Variants in CRTC1 observed in about 807,000 individuals in gnomAD.
CRTC1 encodes CREB regulated transcription coactivator 1.
CRTC1 carries 18 observed loss-of-function variants against 66.1 expected under a neutral mutation model. That is an observed-to-expected ratio of 0.27 (90% CI 0.19 to 0.40). The LOEUF is 0.40. CRTC1 is among the 10% of genes least tolerant of loss of function. The pLI is 1.00. For missense variants in CRTC1, 669 were observed against 887.9 expected (o/e 0.75, Z 3.13); for synonymous variants, 416 against 398.8 (o/e 1.04, Z -0.51).
chr19:18,777,251 G>A lies in CRTC1; in HGVS notation c.1774G>A (p.Asp592Asn), dbSNP rs767791886. Residue 592 changes from aspartate to asparagine, a missense_variant, in exon 14 of 14, where the codon GAC becomes AAC. Physicochemically the swap from Asp to Asn is conservative, Grantham distance 23 (BLOSUM62 1). Transcript: ENST00000321949. This position sits in a 1 kb window ranked among gnomAD's most constrained non-coding sequence, Gnocchi z 5.5. The stretch of plus-strand genomic sequence containing the variant: ...GGTCGGCGACGTCAGCTTCGACTCC[G>A]ACAGCCAGTTTCCCCTGGACGAACT... ...AGVGDVSFDS[D>N]SQFPLDELKI... 8 of 1,610,560 alleles carry A rather than the reference G, an allele frequency of 5.0e-6. No homozygotes were observed. The highest frequency in any genetic ancestry group is 4.0e-5 in the African/African-American group (3 of 74,160).
intron 1 of CRTC1, among the ~76,000 whole-genome samples, chr19:18,723,867 G>A (rs1395466005): frequency 1.3e-5 from 2 of 152,234 alleles, no homozygotes; most frequent in Non-Finnish European, 2.9e-5. Context: ...AGCCTCGTCA[G>A]TGTGGGGCAC....
At chr19:18,731,106 T>C (rs1412704361) in intron 1 of CRTC1, among the ~76,000 whole-genome samples, 1 of 152,194 alleles carries the variant, frequency 6.6e-6, no homozygotes, top group Non-Finnish European at 1.5e-5. Flanking sequence ...CCTCCCGTGT[T>C]GCTGGGACTA....
intron 1 of CRTC1, among the ~76,000 whole-genome samples, chr19:18,716,494 C>T (rs1256294176): frequency 6.6e-6 from 1 of 152,136 alleles, no homozygotes; most frequent in South Asian, 2.1e-4. Context: ...TCATGATCCA[C>T]CCACCTTGGC....
intron 1 of CRTC1, among the ~76,000 whole-genome samples, chr19:18,691,563 GA>G (rs1324645013): frequency 6.7e-6 from 1 of 148,942 alleles, no homozygotes; most frequent in Non-Finnish European, 1.5e-5. Context: ...AGGACACAGA[GA>G]CACAGGGGAG....
intron 1 of CRTC1, among the ~76,000 whole-genome samples, chr19:18,700,752 C>A (rs1213332166): frequency 1.3e-5 from 2 of 152,144 alleles, no homozygotes; most frequent in Admixed American, 6.5e-5. Context: ...GCTGGGGACA[C>A]GGGGAGGCCG....
In CRTC1 at chr19:18,741,650, T is replaced by TG. The variant is rs2054113534; in HGVS notation, c.127-1258dup. On this transcript the variant is annotated intron_variant, in intron 1 of 13. Coordinates refer to ENST00000321949, the MANE Select transcript of CRTC1 (RefSeq NM_015321.3). The surrounding 1 kb of genome is among the most constrained non-coding windows in gnomAD (Gnocchi z 4.2). ...GGTGTGACTGCTGGGAGGGACACTG[T>TG]GGATGTTCATTGTGTATGTGTCTGG... Among the ~76,000 whole-genome samples the TG allele has an allele frequency of 1.3e-5, 2 of 152,066 alleles. No individual in the cohort carries two copies. Among genetic ancestry groups the TG allele is most frequent in the South Asian group, 4.2e-4 (2 of 4,818 alleles).
chr19:18,744,481 CACACACACAA>C (rs1394126048), intron 2 of CRTC1, among the ~76,000 whole-genome samples: 1 of 144,950 alleles, frequency 6.9e-6, no homozygotes, highest in African/African-American at 2.6e-5. Flanking sequence ...CCTATATACA[CACACACACAA>C]ACACACACAC....
chr19:18,710,937 G>A (rs2053377183), intron 1 of CRTC1, among the ~76,000 whole-genome samples: 1 of 152,150 alleles, frequency 6.6e-6, no homozygotes, highest in Non-Finnish European at 1.5e-5. Flanking sequence ...TGTTTAGGAA[G>A]CCCATGCCCA....
chr19:18,753,418 G>C (rs947373809), intron 5 of CRTC1, 82 bp from the exon 6 acceptor site: 14 of 987,358 alleles, frequency 1.4e-5, no homozygotes, highest in Middle Eastern at 4.2e-4. Flanking sequence ...CCGTGTGTCA[G>C]GGACGTGTCC....
rs58104974 is a variant in CRTC1 at position 18,706,182 on chromosome 19, C to CTTTTTTTTTTTTTTT, written c.126+22381_126+22395dup. Reference sequence around the variant, plus strand: ...GGGCTTTCTATTCTATTCCATTGGTCTTTTTTTTTTTTTTTTTTTTTTTTT... The same window carrying CTTTTTTTTTTTTTTT: ...GGGCTTTCTATTCTATTCCATTGGTCTTTTTTTTTTTTTTTTTTTTTTTTTTTTTTTTTTTTTTTT... On this transcript the variant is annotated intron_variant, in intron 1 of 13. Transcript: ENST00000321949. Among the ~76,000 whole-genome samples the CTTTTTTTTTTTTTTT allele has an allele frequency of 1.6e-4, 3 of 18,720 alleles. 1 individual carries two copies. The highest frequency in any genetic ancestry group is 3.3e-4 in the Non-Finnish European group (3 of 9,218). 12.3% of individuals were successfully genotyped at this position (18,720 alleles called of 152,430 possible). A position where few individuals can be genotyped will look rare whatever the true frequency, so the allele number is the denominator to read the frequency against.
chr19:18,744,495 CACACACACACACACACAT>C (rs2054186586), intron 2 of CRTC1, among the ~76,000 whole-genome samples: 1 of 151,194 alleles, frequency 6.6e-6, no homozygotes, highest in Admixed American at 6.6e-5. Context: ...CACACAAACA[CACACACACACACACACAT>C]ACACACACGT....
At chr19:18,721,351 G>T (rs1257763570) in intron 1 of CRTC1, among the ~76,000 whole-genome samples, 2 of 151,990 alleles carry the variant, frequency 1.3e-5, no homozygotes, top group African/African-American at 4.8e-5. Context: ...CCGCCACCAT[G>T]CCCGGCTAAT....
rs140237275 is a variant in CRTC1 at position 18,760,176 on chromosome 19, C to T, written c.834C>T (p.Thr278=). The T allele has an allele frequency of 2.6e-5, 42 of 1,613,346 alleles. No homozygotes were observed. The highest frequency in any genetic ancestry group is 4.5e-5 in the East Asian group (2 of 44,882). ...TFPALSSSSS[T]GNLAANLTHL... ...CTGCACTGAGCAGCTCCAGCAGCACCGGCAACCTCGCGGCCAACCTGACGC... is the reference window on the plus strand; with the variant it reads ...CTGCACTGAGCAGCTCCAGCAGCACTGGCAACCTCGCGGCCAACCTGACGC... The change falls in exon 8 of 14, where the codon ACC becomes ACT. Residue 278 remains threonine, a synonymous_variant. Transcript: ENST00000321949. This position sits in a 1 kb window ranked among gnomAD's most constrained non-coding sequence, Gnocchi z 6.2.
At chr19:18,721,318 C>T (rs1000072022) in intron 1 of CRTC1, among the ~76,000 whole-genome samples, 4 of 151,716 alleles carry the variant, frequency 2.6e-5, no homozygotes, top group South Asian at 2.1e-4. Context: ...CTCAGCCTCC[C>T]GAGTAGCTGG....
intron 8 of CRTC1, among the ~76,000 whole-genome samples, chr19:18,762,854 G>T (rs568128722): frequency 6.6e-6 from 1 of 152,334 alleles, no homozygotes; most frequent in Non-Finnish European, 1.5e-5. Flanking sequence ...AAACTCCCTT[G>T]TATTCAGGGC....
At position 18,690,002 on chromosome 19, in the gene CRTC1, A is replaced by G. The variant is rs2052791709; in HGVS notation, c.126+6174A>G. ...CCAGATCAGGGGGAATGATAGCTGG[A>G]GCAAGGGGGTGACAGAGCGGGTGGA... On this transcript the variant is annotated intron_variant, in intron 1 of 13. Coordinates refer to ENST00000321949, the MANE Select transcript of CRTC1 (RefSeq NM_015321.3). Among the ~76,000 whole-genome samples, 4 of 147,728 alleles carry G rather than the reference A, an allele frequency of 2.7e-5. No homozygotes were observed. The Admixed American group carries it at 2.8e-4, about 10-fold the overall frequency.
At chr19:18,726,320 C>T (rs1372790915) in intron 1 of CRTC1, among the ~76,000 whole-genome samples, 1 of 152,224 alleles carries the variant, frequency 6.6e-6, no homozygotes, top group Admixed American at 6.5e-5. Flanking sequence ...CCCTCGGTCC[C>T]CGGGGGACAG....
chr19:18,713,622 C>T (rs1424953402), intron 1 of CRTC1, among the ~76,000 whole-genome samples: 2 of 118,092 alleles, frequency 1.7e-5, no homozygotes, highest in Non-Finnish European at 3.5e-5. Context: ...TGTAGTGTTT[C>T]TGTATGGCTC....
intron 4 of CRTC1, among the ~76,000 whole-genome samples, chr19:18,747,940 A>G (rs2054281993): frequency 6.6e-6 from 1 of 151,980 alleles, no homozygotes; most frequent in South Asian, 2.1e-4. Context: ...AGCCAGATGT[A>G]GTAGTGCACG....
Sources: allele counts gnomAD v4.1 joint callset (sites outside exome capture counted in the v4.1 genomes callset), GRCh38; gene constraint gnomAD v4.1.1; non-coding constraint Gnocchi (gnomAD v3.1); transcripts MANE v1.5; gene names NCBI Gene and HGNC (gene_info 2026-07-23, HGNC 2026-07-21).